Variants in EVI5 observed in about 807,000 individuals in gnomAD.
EVI5 encodes the protein ecotropic viral integration site 5, also known as ecotropic viral integration site 5 protein homolog.
In EVI5, 73 loss-of-function variants were observed where a neutral mutation model predicts 112.0. That is an observed-to-expected ratio of 0.65 (90% CI 0.54 to 0.79). The LOEUF is 0.79. EVI5 is among the 30% of genes least tolerant of loss of function. The probability of loss-of-function intolerance (pLI) is 0.00; values close to 1 mark genes in which losing one functional copy is unlikely to be tolerated. For missense variants in EVI5, 900 were observed against 968.8 expected (o/e 0.93, Z 0.94); for synonymous variants, 305 against 319.9 (o/e 0.95, Z 0.50).
At chr1:92,584,532 G>T (rs909679665) in intron 18 of EVI5, among the ~76,000 whole-genome samples, 10 of 152,136 alleles carry the variant, frequency 6.6e-5, no homozygotes, top group African/African-American at 2.4e-4. Context: ...GCAACCACTA[G>T]GCTTTAGTAG....
At chr1:92,699,604 C>T (rs1472440429) in intron 5 of EVI5, among the ~76,000 whole-genome samples, 2 of 152,082 alleles carry the variant, frequency 1.3e-5, no homozygotes, top group Non-Finnish European at 2.9e-5. Context: ...ATAGAGTGCA[C>T]CTACACAAAC....
chr1:92,567,106 T>C (rs899218569), intron 18 of EVI5, among the ~76,000 whole-genome samples: 15 of 152,182 alleles, frequency 9.9e-5, no homozygotes, highest in Non-Finnish European at 2.2e-4. Flanking sequence ...GCCACCACGC[T>C]CGGCCATGTG....
intron 13 of EVI5, among the ~76,000 whole-genome samples, chr1:92,652,762 A>G (rs1662350363): frequency 6.6e-6 from 1 of 152,238 alleles, no homozygotes; most frequent in Non-Finnish European, 1.5e-5. Context: ...CTCTTCAGAA[A>G]GAAGAACCAA....
intron 16 of EVI5, among the ~76,000 whole-genome samples, chr1:92,620,831 C>A (rs1194767285): frequency 6.6e-6 from 1 of 152,018 alleles, no homozygotes; most frequent in South Asian, 2.1e-4. Context: ...GAAGGAAAAA[C>A]ACATTTCATT....
chr1:92,627,933 C>T (rs866321847), intron 14 of EVI5, among the ~76,000 whole-genome samples: 2 of 151,902 alleles, frequency 1.3e-5, no homozygotes. Flanking sequence ...GGATTACAGG[C>T]GCCGGCCACC....
intron 2 of EVI5, among the ~76,000 whole-genome samples, chr1:92,708,579 C>T (rs1672356750): frequency 6.6e-6 from 1 of 152,018 alleles, no homozygotes; most frequent in African/African-American, 2.4e-5. Flanking sequence ...ATGATAAGCA[C>T]AAAATTACCA....
At chr1:92,762,151 C>A (rs193275112) in intron 1 of EVI5, among the ~76,000 whole-genome samples, 4 of 152,094 alleles carry the variant, frequency 2.6e-5, no homozygotes, top group African/African-American at 9.7e-5. Context: ...AATGGTAACA[C>A]GACAATTATC....
intron 18 of EVI5, among the ~76,000 whole-genome samples, chr1:92,598,247 G>C (rs951126490): frequency 1.3e-5 from 2 of 152,024 alleles, no homozygotes; most frequent in Non-Finnish European, 2.9e-5. Context: ...AATATGTTGA[G>C]GGGGAAGCGT....
Position 92,665,860 on chromosome 1 carries a change from T to G in EVI5, c.1212+79A>C, listed in dbSNP as rs115508205. The stretch of plus-strand genomic sequence containing the variant: ...ACAACATAGGAGACATGTGCCAGAA[T>G]TTTTGAGGATTTTTAATAAATATAC... On this transcript the variant is annotated intron_variant, in intron 11 of 19. Transcript: ENST00000684568. The G allele has an allele frequency of 6.3e-4, 637 of 1,014,682 alleles. 6 individuals carry two copies. In the African/African-American group the frequency reaches 9.6e-3, roughly 15 times the overall value. The allele number at this position is 1,014,682 out of a possible 1,614,324, so 62.9% of individuals were successfully genotyped here.
At position 92,697,986 on chromosome 1, in the gene EVI5, C is replaced by A; in HGVS notation, c.640-1G>T. 1 of 1,607,310 alleles carries A rather than the reference C, an allele frequency of 6.2e-7. No homozygotes were observed. Among genetic ancestry groups the A allele is most frequent in the Admixed American group, 1.7e-5 (1 of 59,396 alleles). ...CACAGAAAGCTTCTTCTTCTGGCAT[C>A]TACATTGGAAGAAAAAAAAACAACA... On this transcript the variant is annotated splice_acceptor_variant, in intron 5 of 19. Coordinates refer to ENST00000684568, the MANE Select transcript of EVI5 (RefSeq NM_001350197.2). LOFTEE classifies it high-confidence loss of function.
intron 4 of EVI5, among the ~76,000 whole-genome samples, chr1:92,703,134 A>G (rs2102543630): frequency 6.6e-6 from 1 of 152,264 alleles, no homozygotes. Flanking sequence ...CCTTTTCATG[A>G]GGATCCCTCT....
chr1:92,632,535 A>AT (rs1657411316), intron 14 of EVI5, among the ~76,000 whole-genome samples: 1 of 151,948 alleles, frequency 6.6e-6, no homozygotes, highest in African/African-American at 2.4e-5. Flanking sequence ...CCCCTTTATC[A>AT]TTTTTTATTG....
intron 1 of EVI5, among the ~76,000 whole-genome samples, chr1:92,766,697 CCTT>C (rs1173492480): frequency 6.6e-6 from 1 of 152,160 alleles, no homozygotes; most frequent in Non-Finnish European, 1.5e-5. Flanking sequence ...AGTAGTTCCT[CCTT>C]ATCTGAGGTT....
intron 9 of EVI5, among the ~76,000 whole-genome samples, chr1:92,691,183 A>C (rs1369272890): frequency 6.6e-6 from 1 of 152,236 alleles, no homozygotes; most frequent in Non-Finnish European, 1.5e-5. Flanking sequence ...AACTGAGGAA[A>C]TGTGAACATA....
chr1:92,624,673 T>C (rs1019570203), intron 15 of EVI5, among the ~76,000 whole-genome samples: 1 of 124,390 alleles, frequency 8.0e-6, no homozygotes, highest in Non-Finnish European at 1.6e-5. Flanking sequence ...TGAAACCCTG[T>C]CTCTAGTCTC....
At chr1:92,792,288 G>T in intron 1 of EVI5, 1 of 1,122,130 alleles carries the variant, frequency 8.9e-7, no homozygotes, top group Non-Finnish European at 1.4e-6. Flanking sequence ...TTCTGTTACA[G>T]CAATTACATT....
chr1:92,531,321 C>G (rs902908665), intron 19 of EVI5, among the ~76,000 whole-genome samples: 1 of 152,048 alleles, frequency 6.6e-6, no homozygotes, highest in Non-Finnish European at 1.5e-5. Context: ...ACTGGTGTAC[C>G]TGAAAGTGAT....
chr1:92,648,412 T>A (rs1417064980), intron 13 of EVI5, among the ~76,000 whole-genome samples: 1 of 151,362 alleles, frequency 6.6e-6, no homozygotes, highest in Non-Finnish European at 1.5e-5. Context: ...ATAAAAAAAA[T>A]AAAGTGAACA....
chr1:92,696,165 C>A (rs1264263205), intron 6 of EVI5, among the ~76,000 whole-genome samples: 1 of 152,098 alleles, frequency 6.6e-6, no homozygotes, highest in Non-Finnish European at 1.5e-5. Context: ...CTCCTGGGCT[C>A]AAGTGACCTG....
Sources: gnomAD v4.1 joint callset for allele counts (sites outside exome capture counted in the v4.1 genomes callset) on GRCh38, gnomAD v4.1.1 for gene constraint, MANE v1.5 for transcripts, NCBI Gene and HGNC (gene_info 2026-07-23, HGNC 2026-07-21) for gene names.